The following IFT52 variants were observed in gnomAD, a reference collection of about 807,000 sequenced individuals.
The protein encoded by IFT52 is intraflagellar transport 52, also known as intraflagellar transport protein 52 homolog.
In IFT52, 44 loss-of-function variants were observed where a neutral mutation model predicts 54.4. The ratio of observed to expected loss-of-function variants is 0.81; its 90% CI spans 0.63 to 1.04. The LOEUF (loss-of-function observed/expected upper bound fraction) is 1.04, where lower values mean the gene tolerates loss of function less well. Ranked by LOEUF, IFT52 falls within the 50% of genes least tolerant of loss-of-function variation. IFT52 has a pLI of 0.00. For synonymous variants in IFT52, 181 were observed against 185.3 expected (o/e 0.98, Z 0.19); for missense variants, 452 against 523.6 (o/e 0.86, Z 1.33).
chr20:43,630,599 A>G (rs1275059112), intron 10 of IFT52, among the ~76,000 whole-genome samples: 2 of 152,274 alleles, frequency 1.3e-5, no homozygotes, highest in South Asian at 4.1e-4. Flanking sequence ...TCATTTGTCC[A>G]TTGGGTGTTT....
At chr20:43,620,789 C>G (rs900184829) in intron 8 of IFT52, 68 bp from the exon 9 acceptor site, 1 of 1,091,280 alleles carries the variant, frequency 9.2e-7, no homozygotes, top group Non-Finnish European at 1.4e-6. Context: ...ATTTAATTCT[C>G]TAGTCCTGAC....
intron 7 of IFT52, among the ~76,000 whole-genome samples, chr20:43,616,318 C>T (rs1983854180): frequency 6.6e-6 from 1 of 151,798 alleles, no homozygotes; most frequent in East Asian, 1.9e-4. Context: ...ACTAGCCTGG[C>T]CAACATAGTG....
chr20:43,610,075 A>C (rs1210284696), intron 6 of IFT52, among the ~76,000 whole-genome samples: 5 of 152,036 alleles, frequency 3.3e-5, no homozygotes, highest in Non-Finnish European at 7.4e-5. Context: ...TGAGGCAGGC[A>C]GATCACCTGA....
In IFT52 at chr20:43,604,220, T is replaced by C; in HGVS notation, c.375T>C (p.His125=). 6.2e-7 allele frequency: 1 copy of C among 1,611,748 alleles called. No individual in the cohort carries two copies. The highest frequency in any genetic ancestry group is 8.5e-7 in the Non-Finnish European group (1 of 1,177,844). ...VVRNVYHKYF[H]PKEALVSSGV... is the part of the protein sequence containing the mutation. ...GAAATGTATATCACAAATATTTCCA[T>C]CCTAAAGAAGCTCTAGTTTCCAGTG... Residue 125 remains histidine, a synonymous_variant, in exon 5 of 14, where the codon CAT becomes CAC. Transcript: ENST00000373030.
chr20:43,597,837 G>C (rs1231103296), intron 3 of IFT52, among the ~76,000 whole-genome samples: 1 of 142,926 alleles, frequency 7.0e-6, no homozygotes, highest in Non-Finnish European at 1.5e-5. Flanking sequence ...GAGTTGCAGC[G>C]AGCAGAGATC....
chr20:43,592,795 T>A (rs1481689977), intron 1 of IFT52, among the ~76,000 whole-genome samples: 1 of 152,194 alleles, frequency 6.6e-6, no homozygotes, highest in South Asian at 2.1e-4. Flanking sequence ...ATGAAAATGT[T>A]TGTTTAATGA....
chr20:43,631,101 T>C (rs1336143388), intron 10 of IFT52, among the ~76,000 whole-genome samples: 1 of 152,192 alleles, frequency 6.6e-6, no homozygotes, highest in East Asian at 1.9e-4. Context: ...AAAGTAAAGA[T>C]TCTGGTTGGC....
rs778839466 is a variant in IFT52, at chr20:43,642,569, A to T, written c.1211A>T (p.Lys404Ile). Residue 404 changes from lysine to isoleucine, a missense_variant, in exon 13 of 14, where the codon AAA (lysine) becomes ATA (isoleucine). Physicochemically the swap from Lys to Ile is moderately radical, Grantham distance 102 (BLOSUM62 -3). Transcript: ENST00000373030. Reference sequence around the variant, plus strand: ...CTACCAAAGGACCAACAGGATGCCAAACATATCCTTGAGCACGTCTTCTTC... The same window carrying T: ...CTACCAAAGGACCAACAGGATGCCATACATATCCTTGAGCACGTCTTCTTC... ...SKLPKDQQDA[K>I]HILEHVFFQV... is the part of the protein sequence containing the mutation. 2 of 1,614,094 alleles carry T rather than the reference A, an allele frequency of 1.2e-6. No homozygotes were observed. The highest frequency in any genetic ancestry group is 1.3e-5 in the African/African-American group (1 of 74,942).
At chr20:43,615,301 C>T (rs1206395781) in intron 7 of IFT52, among the ~76,000 whole-genome samples, 1 of 152,056 alleles carries the variant, frequency 6.6e-6, no homozygotes, top group Non-Finnish European at 1.5e-5. Context: ...CCTCAGCCTC[C>T]CAAAGTGCTG....
At position 43,647,220 on chromosome 20, in the gene IFT52, C is replaced by G; in HGVS notation, c.*237C>G. On this transcript the variant is annotated 3_prime_UTR_variant, in exon 14 of 14. Coordinates refer to ENST00000373030, the MANE Select transcript of IFT52 (RefSeq NM_016004.5). ...ATGGTTGCATCTGTCTTTTTATACC[C>G]TATGAAACAGTCTTGATTTTTTTTT... The G allele has an allele frequency of 1.9e-6, 1 of 532,592 alleles. No homozygotes were observed. Among genetic ancestry groups the G allele is most frequent in the Non-Finnish European group, 3.3e-6 (1 of 302,488 alleles). 33.0% of individuals were successfully genotyped at this position (532,592 alleles called of 1,614,324 possible).
At chr20:43,601,038 C>A (rs1982402442) in intron 3 of IFT52, among the ~76,000 whole-genome samples, 1 of 152,036 alleles carries the variant, frequency 6.6e-6, no homozygotes, top group Non-Finnish European at 1.5e-5. Flanking sequence ...CTTTTTTAAA[C>A]CTCCGTGACT....
At chr20:43,643,164 C>A (rs374139847) in intron 13 of IFT52, among the ~76,000 whole-genome samples, 72 of 138,610 alleles carry the variant, frequency 5.2e-4, no homozygotes, top group South Asian at 7.2e-4. Context: ...GACTCTGTCT[C>A]AAAAAAAAAC....
intron 6 of IFT52, among the ~76,000 whole-genome samples, chr20:43,611,697 A>AT (rs953205545): frequency 2.0e-5 from 3 of 151,774 alleles, no homozygotes; most frequent in Admixed American, 1.3e-4. Context: ...AGTCTCATTG[A>AT]TTTTTTTAGT....
At chr20:43,646,700 C>A (rs1013376116) in intron 13 of IFT52, among the ~76,000 whole-genome samples, 5 of 152,118 alleles carry the variant, frequency 3.3e-5, no homozygotes, top group African/African-American at 1.2e-4. Flanking sequence ...CCAGTGCTTT[C>A]AACTCTGTTT....
At chr20:43,593,247 T>A (rs1177836278) in intron 1 of IFT52, among the ~76,000 whole-genome samples, 1 of 152,126 alleles carries the variant, frequency 6.6e-6, no homozygotes, top group African/African-American at 2.4e-5. Context: ...AAAGTGGAAA[T>A]TAAAACAGTA....
In IFT52 at chr20:43,614,456, G is replaced by A. The variant is rs184194066; in HGVS notation, c.612+480G>A. Among the ~76,000 whole-genome samples the A allele has an allele frequency of 4.6e-5, 7 of 151,672 alleles. No individual in the cohort carries two copies. The East Asian group carries it at 1.4e-3, about 29-fold the overall frequency. ...TCACCATGTTAGCCAGGATGGTCTC[G>A]ATCTCCTGACCATCCTGCCTCGTGG... On this transcript the variant is annotated intron_variant, in intron 7 of 13. Coordinates refer to ENST00000373030, the MANE Select transcript of IFT52 (RefSeq NM_016004.5).
intron 12 of IFT52, among the ~76,000 whole-genome samples, chr20:43,640,145 C>A (rs1197633015): frequency 6.6e-6 from 1 of 152,016 alleles, no homozygotes; most frequent in East Asian, 1.9e-4. Flanking sequence ...ACCTGGTTGA[C>A]AGAGCGAGAC....
intron 10 of IFT52, among the ~76,000 whole-genome samples, chr20:43,633,308 C>T (rs1338494686): frequency 6.6e-6 from 1 of 151,604 alleles, no homozygotes; most frequent in African/African-American, 2.4e-5. Flanking sequence ...ATGCCATTGT[C>T]CTCCAGCCTG....
chr20:43,605,051 G>A lies in IFT52; in HGVS notation c.463G>A (p.Glu155Lys), dbSNP rs1054456631. Residue 155 changes from glutamate (E) to lysine (K), a missense_variant, in exon 6 of 14, where the codon GAA (glutamate) becomes AAA (lysine). By Grantham distance (56) the Glu-to-Lys change is moderately conservative (BLOSUM62 1). Coordinates refer to ENST00000373030, the MANE Select transcript of IFT52 (RefSeq NM_016004.5). ...GKAVPGIIDE[E>K]SSGNNAQALT... ...GGCTGTGCCTGGGATCATTGATGAGGAAAGCAGTGGAAACAATGCCCAGTG... is the reference window on the plus strand; with the variant it reads ...GGCTGTGCCTGGGATCATTGATGAGAAAAGCAGTGGAAACAATGCCCAGTG... The A allele has an allele frequency of 3.7e-6, 6 of 1,613,548 alleles. No individual in the cohort carries two copies. The African/African-American group carries it at 4.0e-5, about 11-fold the overall frequency.
Sources: allele counts gnomAD v4.1 joint callset (sites outside exome capture counted in the v4.1 genomes callset), GRCh38; gene constraint gnomAD v4.1.1; transcripts MANE v1.5; gene names NCBI Gene and HGNC (gene_info 2026-07-23, HGNC 2026-07-21).